The following PEBP4 variants were observed in gnomAD, a reference collection of about 807,000 sequenced individuals.
PEBP4 encodes phosphatidylethanolamine binding protein 4, also known as phosphatidylethanolamine-binding protein 4.
In PEBP4, 22 loss-of-function variants were observed where a neutral mutation model predicts 23.9. The ratio of observed to expected loss-of-function variants is 0.92; its 90% CI spans 0.66 to 1.31. The LOEUF (loss-of-function observed/expected upper bound fraction) is 1.31. Ranked by LOEUF, PEBP4 falls within the 40% of genes most tolerant of loss-of-function variation. The pLI, the probability that PEBP4 is intolerant of heterozygous loss-of-function variation, is 0.00. For missense variants in PEBP4, 324 were observed against 281.7 expected, an observed-to-expected ratio of 1.15 and a Z score of -1.07; for synonymous variants, 112 against 99.3, an observed-to-expected ratio of 1.13 and a Z score of -0.76.
At position 22,846,014 on chromosome 8, in the gene PEBP4, G is replaced by A. The variant is rs570186741; in HGVS notation, c.259-28279C>T. Among the ~76,000 whole-genome samples the A allele has an allele frequency of 2.6e-5, 4 of 152,346 alleles. No individual in the cohort carries two copies. In the East Asian group the frequency reaches 7.7e-4, roughly 29 times the overall value. On this transcript the variant is annotated intron_variant, in intron 3 of 6. Transcript: ENST00000256404. Reference sequence around the variant, plus strand: ...TTGGATGGCAGAGACTGGGACAGCCGCTAAGTGGGGGTACATCTAAAAGAG... The same window carrying A: ...TTGGATGGCAGAGACTGGGACAGCCACTAAGTGGGGGTACATCTAAAAGAG...
At position 22,737,032 on chromosome 8, in the gene PEBP4, G is replaced by A. The variant is rs570043636; in HGVS notation, c.358-9812C>T. 1.7e-3 allele frequency among the ~76,000 whole-genome samples: 259 copies of A among 152,274 alleles called. 1 individual carries two copies. The Middle Eastern group carries it at 0.024, about 14-fold the overall frequency. ...ATAAAGGCCGGGCATGGTGGCTCACGCCTGTAATTGCAGCACTTTGGGAGG... is the reference window on the plus strand; with the variant it reads ...ATAAAGGCCGGGCATGGTGGCTCACACCTGTAATTGCAGCACTTTGGGAGG... On this transcript the variant is annotated intron_variant, in intron 4 of 6. Coordinates refer to ENST00000256404, the MANE Select transcript of PEBP4 (RefSeq NM_144962.3).
chr8:22,742,007 C>A (rs1162831484), intron 4 of PEBP4, among the ~76,000 whole-genome samples: 2 of 152,130 alleles, frequency 1.3e-5, no homozygotes, highest in African/African-American at 4.8e-5. Context: ...CTATCTGGGG[C>A]TCCCCTGCCT....
intron 4 of PEBP4, among the ~76,000 whole-genome samples, chr8:22,749,802 A>ATTTTTTTT (rs754912133): frequency 2.4e-5 from 1 of 41,586 alleles, no homozygotes; most frequent in Non-Finnish European, 6.4e-5. Flanking sequence ...TCAGTTTGTC[A>ATTTTTTTT]TTCTTTTTTT....
chr8:22,938,253 T>C (rs900178456), intron 1 of PEBP4, among the ~76,000 whole-genome samples: 7 of 151,740 alleles, frequency 4.6e-5, no homozygotes, highest in African/African-American at 1.7e-4. Context: ...TTGTTCAGCC[T>C]GTGTGGACTA....
intron 4 of PEBP4, among the ~76,000 whole-genome samples, chr8:22,742,538 C>T (rs191532977): frequency 6.6e-6 from 1 of 152,266 alleles, no homozygotes; most frequent in East Asian, 1.9e-4. Flanking sequence ...ATGTGGTCAC[C>T]CCTCTGGGGA....
intron 4 of PEBP4, among the ~76,000 whole-genome samples, chr8:22,737,294 CAAA>C (rs11302571): frequency 6.1e-5 from 4 of 65,494 alleles, no homozygotes; most frequent in South Asian, 6.2e-4. Flanking sequence ...GACTCCGTCT[CAAA>C]AAAAAAAAAA....
chr8:22,864,992 A>C (rs1008708982), intron 3 of PEBP4, among the ~76,000 whole-genome samples: 1 of 152,140 alleles, frequency 6.6e-6, no homozygotes, highest in Non-Finnish European at 1.5e-5. Context: ...CGGGGCGGGC[A>C]GCACGAGGGG....
chr8:22,905,783 T>C (rs1006780796), intron 3 of PEBP4, among the ~76,000 whole-genome samples: 1 of 152,144 alleles, frequency 6.6e-6, no homozygotes, highest in African/African-American at 2.4e-5. Context: ...GGCCCTGGGA[T>C]GTTGCTGGTG....
At chr8:22,814,886 C>CG (rs1563225113) in intron 4 of PEBP4, among the ~76,000 whole-genome samples, 1 of 151,942 alleles carries the variant, frequency 6.6e-6, no homozygotes. Context: ...GGGAGTGAAC[C>CG]GGGGGGTGGT....
intron 4 of PEBP4, among the ~76,000 whole-genome samples, chr8:22,761,922 T>C (rs1805515527): frequency 6.6e-6 from 1 of 152,204 alleles, no homozygotes; most frequent in Admixed American, 6.5e-5. Context: ...TTAAGCTGGA[T>C]GCATTATATT....
intron 3 of PEBP4, among the ~76,000 whole-genome samples, chr8:22,883,539 T>C (rs910849898): frequency 6.7e-6 from 1 of 150,138 alleles, no homozygotes; most frequent in Non-Finnish European, 1.5e-5. Context: ...GAGCTGAAGG[T>C]GGCACAAAAT....
intron 4 of PEBP4, among the ~76,000 whole-genome samples, chr8:22,808,869 A>C (rs1425219777): frequency 6.6e-6 from 1 of 152,090 alleles, no homozygotes; most frequent in Non-Finnish European, 1.5e-5. Context: ...TATTTATTGT[A>C]TTTTATTAGT....
intron 4 of PEBP4, among the ~76,000 whole-genome samples, chr8:22,810,685 T>C (rs1479799246): frequency 6.7e-6 from 1 of 148,776 alleles, no homozygotes; most frequent in Non-Finnish European, 1.5e-5. Context: ...TGTGTGTGTG[T>C]GTGTGTGTGT....
intron 3 of PEBP4, among the ~76,000 whole-genome samples, chr8:22,897,023 G>A (rs1378332020): frequency 6.6e-6 from 1 of 151,078 alleles, no homozygotes; most frequent in Non-Finnish European, 1.5e-5. Context: ...ATATATCTGT[G>A]TGTATGTGTG....
Position 22,917,128 on chromosome 8 carries a change from AGG to A in PEBP4, c.258+3054_258+3055del, listed in dbSNP as rs67211429. On this transcript the variant is annotated intron_variant, in intron 3 of 6. Coordinates refer to ENST00000256404, the MANE Select transcript of PEBP4 (RefSeq NM_144962.3). The stretch of plus-strand genomic sequence containing the variant: ...CTTTGGAGTTTGCTGGGGGCGGGGG[AGG>A]GGGGGGTGTTCCCAGGCATGTCCAA... Among the ~76,000 whole-genome samples, 18 of 108,352 alleles carry A rather than the reference AGG, an allele frequency of 1.7e-4. No individual in the cohort carries two copies. In the South Asian group the frequency reaches 2.4e-3, roughly 15 times the overall value. The allele number at this position is 108,352 out of a possible 152,430, so 71.1% of individuals were successfully genotyped here.
intron 2 of PEBP4, among the ~76,000 whole-genome samples, chr8:22,922,585 C>A (rs867887632): frequency 2.0e-4 from 25 of 122,374 alleles, no homozygotes; most frequent in South Asian, 5.1e-4. Context: ...AACAAACAAA[C>A]AAAAAAAAAA....
intron 4 of PEBP4, among the ~76,000 whole-genome samples, chr8:22,762,780 G>T (rs1805535162): frequency 6.6e-6 from 1 of 152,180 alleles, no homozygotes; most frequent in Admixed American, 6.5e-5. Flanking sequence ...AGGCATCAGA[G>T]ATTTCCTTTG....
chr8:22,748,839 C>T (rs2128751417), intron 4 of PEBP4, among the ~76,000 whole-genome samples: 1 of 152,286 alleles, frequency 6.6e-6, no homozygotes, highest in East Asian at 1.9e-4. Flanking sequence ...GAGAGGCCTC[C>T]ACGAGTCCTG....
chr8:22,728,229 C>T (rs1804656908), intron 4 of PEBP4, among the ~76,000 whole-genome samples: 1 of 152,078 alleles, frequency 6.6e-6, no homozygotes, highest in African/African-American at 2.4e-5. Context: ...AGATCCAATC[C>T]CCTAGCTTGA....
Sources: allele counts gnomAD v4.1 joint callset (sites outside exome capture counted in the v4.1 genomes callset), GRCh38; gene constraint gnomAD v4.1.1; transcripts MANE v1.5; gene names NCBI Gene and HGNC (gene_info 2026-07-23, HGNC 2026-07-21).